Variants in DGKG observed in about 807,000 individuals in gnomAD.
DGKG encodes the protein DAG kinase gamma.
Under a neutral mutation model 105.3 loss-of-function variants are expected in DGKG, and 78 were observed. The ratio of observed to expected loss-of-function variants is 0.74; its 90% CI spans 0.62 to 0.89. DGKG has a LOEUF of 0.89. DGKG is among the 40% of genes least tolerant of loss of function. The pLI, the probability that DGKG is intolerant of heterozygous loss-of-function variation, is 0.00. For missense variants in DGKG, 958 were observed against 1,020.1 expected, an observed-to-expected ratio of 0.94 and a Z score of 0.83; for synonymous variants, 346 against 367.1, an observed-to-expected ratio of 0.94 and a Z score of 0.66.
At chr3:186,235,630 T>C (rs1269955374) in intron 20 of DGKG, among the ~76,000 whole-genome samples, 1 of 152,254 alleles carries the variant, frequency 6.6e-6, no homozygotes, top group African/African-American at 2.4e-5. Context: ...CATGATATAT[T>C]TTATGCTTGT....
chr3:186,222,411 T>C (rs1010270223), intron 20 of DGKG, among the ~76,000 whole-genome samples: 1 of 152,204 alleles, frequency 6.6e-6, no homozygotes. Context: ...CAGAAAGGCC[T>C]GGGTTCAAGC....
chr3:186,157,212 A>G (rs1331513193), intron 24 of DGKG, among the ~76,000 whole-genome samples: 1 of 152,094 alleles, frequency 6.6e-6, no homozygotes, highest in Non-Finnish European at 1.5e-5. Flanking sequence ...TATCTTTAAA[A>G]ATCAGAAATG....
chr3:186,275,284 T>A (rs562617885), intron 10 of DGKG, among the ~76,000 whole-genome samples: 1 of 152,332 alleles, frequency 6.6e-6, no homozygotes, highest in East Asian at 1.9e-4. Flanking sequence ...TTTAAATTAT[T>A]TGTGGACTTT....
chr3:186,299,839 T>TTCTTTC (rs1180082224), intron 3 of DGKG, among the ~76,000 whole-genome samples: 6 of 77,334 alleles, frequency 7.8e-5, no homozygotes, highest in East Asian at 2.9e-4. Flanking sequence ...CTTTCTTTCT[T>TTCTTTC]TTTTTTTTTT....
In DGKG at chr3:186,188,228, G is replaced by A; in HGVS notation, c.2069C>T (p.Pro690Leu). 1.2e-6 allele frequency: 2 copies of A among 1,614,036 alleles called. No homozygotes were observed. The highest frequency in any genetic ancestry group is 4.5e-5 in the East Asian group (2 of 44,870). The change falls in exon 22 of 25, where the codon CCC becomes CTC. Residue 690 changes from proline to leucine, a missense_variant. By Grantham distance (98) the Pro-to-Leu change is moderately conservative. This residue lies in a region of DGKG where 315 missense variants were observed against 400.6 expected (regional missense o/e 0.79). Coordinates refer to ENST00000265022, the MANE Select transcript of DGKG (RefSeq NM_001346.3). Reference sequence around the variant, plus strand: ...TTGAACGCAGAATTTCAGTTCTTTGGGGTCAGTGACACCCTTCCTGCTTTC... The same window carrying A: ...TTGAACGCAGAATTTCAGTTCTTTGAGGTCAGTGACACCCTTCCTGCTTTC... ...IRESRKGVTD[P>L]KELKFCVQDL...
chr3:186,292,034 C>A (rs1002828419), intron 5 of DGKG, among the ~76,000 whole-genome samples: 1 of 152,180 alleles, frequency 6.6e-6, no homozygotes, highest in African/African-American at 2.4e-5. Context: ...CCTCTTCATT[C>A]TGCTTTATAT....
Position 186,257,905 on chromosome 3 carries a change from C to G in DGKG, c.1459G>C (p.Val487Leu), listed in dbSNP as rs775643904. 2 of 1,614,178 alleles carry G rather than the reference C, an allele frequency of 1.2e-6. No homozygotes were observed. The highest frequency in any genetic ancestry group is 2.2e-5 in the South Asian group (2 of 91,086). The stretch of plus-strand genomic sequence containing the variant: ...GTCCCATCTCCACCACAGGCCAAAA[C>G]ACGGAAGTCTGGAGTATCACGGAAA... ...NFFRDTPDFR[V>L]LACGGDGTVG... The change falls in exon 17 of 25, where the codon GTT becomes CTT. Residue 487 changes from valine to leucine, a missense_variant. Val to Leu is a conservative substitution (Grantham distance 32). Around this residue, in one of 2 missense-constraint regions of DGKG, gnomAD observed 315 missense variants for 400.6 expected, o/e 0.79. Coordinates refer to ENST00000265022, the MANE Select transcript of DGKG (RefSeq NM_001346.3).
chr3:186,202,387 T>G (rs1431137986), intron 21 of DGKG, among the ~76,000 whole-genome samples: 2 of 152,206 alleles, frequency 1.3e-5, no homozygotes, highest in Non-Finnish European at 2.9e-5. Flanking sequence ...AACAAAGACA[T>G]ATCCACTATA....
intron 21 of DGKG, among the ~76,000 whole-genome samples, chr3:186,198,497 T>C (rs1288026477): frequency 1.3e-5 from 2 of 152,232 alleles, no homozygotes; most frequent in Non-Finnish European, 2.9e-5. Flanking sequence ...TGGGACACAG[T>C]CCCTGTCCTC....
Position 186,298,106 on chromosome 3 carries a change from G to A in DGKG, c.268C>T (p.His90Tyr), listed in dbSNP as rs1723685179. The change falls in exon 4 of 25, where the codon CAC (histidine) becomes TAC (tyrosine). Residue 90 changes from histidine to tyrosine, a missense_variant. Coordinates refer to ENST00000265022, the MANE Select transcript of DGKG (RefSeq NM_001346.3). Reference protein sequence around the residue: ...SQKPRHETSDHPTEGASNSEA... With the variant: ...SQKPRHETSDYPTEGASNSEA... ...CTGTTGCTGGCTCCCTCCGTCGGGT[G>A]GTCAGAGGTCTCGTGTCTGGGCTTC... The A allele has an allele frequency of 6.2e-7, 1 of 1,613,986 alleles. No individual in the cohort carries two copies. The highest frequency in any genetic ancestry group is 2.2e-5 in the East Asian group (1 of 44,880).
intron 22 of DGKG, among the ~76,000 whole-genome samples, chr3:186,172,770 GA>G (rs1283518988): frequency 1.3e-5 from 2 of 152,254 alleles, no homozygotes; most frequent in Non-Finnish European, 2.9e-5. Flanking sequence ...CTAAGTTCTT[GA>G]GGATGGGACT....
rs934291749 is a variant in DGKG, at chr3:186,261,894, T to G, written c.1270-116A>C. 52 of 656,270 alleles carry G rather than the reference T, an allele frequency of 7.9e-5. No individual in the cohort carries two copies. In the African/African-American group the frequency reaches 9.2e-4, roughly 12 times the overall value. The allele number at this position is 656,270 out of a possible 1,614,324, so 40.7% of individuals were successfully genotyped here. The stretch of plus-strand genomic sequence containing the variant: ...AGATGAGAAGCAGGAGGGCAGGCAG[T>G]CAGGTGTTTTTCCACTGGCTGAATT... On this transcript the variant is annotated intron_variant, in intron 14 of 24. Coordinates refer to ENST00000265022, the MANE Select transcript of DGKG (RefSeq NM_001346.3).
At chr3:186,274,287 G>A (rs1279556588) in intron 10 of DGKG, among the ~76,000 whole-genome samples, 4 of 152,058 alleles carry the variant, frequency 2.6e-5, no homozygotes, top group Admixed American at 6.5e-5. Context: ...TCCTGGGCTC[G>A]AGTGATCCTC....
intron 12 of DGKG, 107 bp downstream of exon 12, chr3:186,268,694 C>A: frequency 1.3e-6 from 1 of 765,350 alleles, no homozygotes; most frequent in Non-Finnish European, 2.2e-6. Context: ...TAGCCTCGCT[C>A]CCCTGGCTTT....
In DGKG at chr3:186,211,973, A is replaced by G. The variant is rs903693527; in HGVS notation, c.1827-88T>C. ...TATGTTCTTTGGATTGGGAGGCCCA[A>G]GCCTTCAGCAATTTCCCCAATCTTA... On this transcript the variant is annotated intron_variant, in intron 20 of 24. Transcript: ENST00000265022. 6 of 1,022,934 alleles carry G rather than the reference A, an allele frequency of 5.9e-6. No homozygotes were observed. In the African/African-American group the frequency reaches 7.9e-5, roughly 14 times the overall value. The allele number at this position is 1,022,934 out of a possible 1,614,324, so 63.4% of individuals were successfully genotyped here.
At chr3:186,288,093 C>G (rs1222365528) in intron 6 of DGKG, among the ~76,000 whole-genome samples, 1 of 152,186 alleles carries the variant, frequency 6.6e-6, no homozygotes, top group Non-Finnish European at 1.5e-5. Context: ...CCAGCTCTTA[C>G]TCTCCTCCTG....
intron 20 of DGKG, among the ~76,000 whole-genome samples, chr3:186,240,155 C>T (rs1191293581): frequency 1.3e-5 from 2 of 152,158 alleles, no homozygotes; most frequent in Non-Finnish European, 2.9e-5. Flanking sequence ...CTCACTCCTT[C>T]GTATCTTTTC....
At chr3:186,204,422 T>A (rs1718623663) in intron 21 of DGKG, among the ~76,000 whole-genome samples, 1 of 152,008 alleles carries the variant, frequency 6.6e-6, no homozygotes, top group Admixed American at 6.6e-5. Flanking sequence ...ATAATAATAA[T>A]AATGGCGCTG....
intron 22 of DGKG, among the ~76,000 whole-genome samples, chr3:186,178,167 G>C (rs564004694): frequency 2.0e-5 from 3 of 152,260 alleles, no homozygotes; most frequent in East Asian, 3.9e-4. Context: ...GTGAGAGATC[G>C]ATTTCTGTTG....
Sources: gnomAD v4.1 joint callset for allele counts (sites outside exome capture counted in the v4.1 genomes callset) on GRCh38, gnomAD v4.1.1 for gene constraint, gnomAD v4.1.1 regional missense constraint, MANE v1.5 for transcripts, NCBI Gene and HGNC (gene_info 2026-07-23, HGNC 2026-07-21) for gene names.